Variants in KCNIP4 observed in about 807,000 individuals in gnomAD.
The protein encoded by KCNIP4 is potassium voltage-gated channel interacting protein 4.
Under a neutral mutation model 34.0 loss-of-function variants are expected in KCNIP4, and 12 were observed. The ratio of observed to expected loss-of-function variants is 0.35; its 90% CI spans 0.23 to 0.57. The LOEUF (loss-of-function observed/expected upper bound fraction) is 0.57, where lower values mean the gene tolerates loss of function less well. Ranked by LOEUF, KCNIP4 falls within the 20% of genes least tolerant of loss-of-function variation. The probability of loss-of-function intolerance (pLI) is 0.83; values close to 1 mark genes in which losing one functional copy is unlikely to be tolerated. For synonymous variants in KCNIP4, 124 were observed against 102.2 expected, an observed-to-expected ratio of 1.21 and a Z score of -1.29; for missense variants, 238 against 311.7, an observed-to-expected ratio of 0.76 and a Z score of 1.78.
At chr4:20,766,645 A>T (rs753528979) in intron 3 of KCNIP4, among the ~76,000 whole-genome samples, 1 of 152,212 alleles carries the variant, frequency 6.6e-6, no homozygotes, top group Non-Finnish European at 1.5e-5. Flanking sequence ...AGGTGAGGGG[A>T]TAGAGATTAA....
At chr4:21,880,856 C>CAA (rs1294089070) in intron 1 of KCNIP4, among the ~76,000 whole-genome samples, 3 of 152,180 alleles carry the variant, frequency 2.0e-5, no homozygotes, top group Non-Finnish European at 4.4e-5. Context: ...TGCAACTTAA[C>CAA]AATGACCCTA....
intron 1 of KCNIP4, among the ~76,000 whole-genome samples, chr4:21,448,492 C>G (rs1389132239): frequency 6.6e-6 from 1 of 152,058 alleles, no homozygotes; most frequent in Non-Finnish European, 1.5e-5. Context: ...GAGAATATTT[C>G]TAAGCAAATT....
intron 1 of KCNIP4, among the ~76,000 whole-genome samples, chr4:21,773,770 T>TG (rs1182214927): frequency 1.4e-5 from 2 of 143,854 alleles, no homozygotes; most frequent in African/African-American, 5.2e-5. Flanking sequence ...TTTGTTTGTT[T>TG]TTGTTTTGTT....
intron 1 of KCNIP4, among the ~76,000 whole-genome samples, chr4:20,968,031 T>G (rs1158672972): frequency 2.0e-5 from 3 of 152,024 alleles, no homozygotes; most frequent in African/African-American, 7.3e-5. Flanking sequence ...AATCTACCCA[T>G]CTGACAAAGG....
chr4:21,731,696 T>C (rs1715614534), intron 1 of KCNIP4, among the ~76,000 whole-genome samples: 1 of 152,192 alleles, frequency 6.6e-6, no homozygotes, highest in Admixed American at 6.6e-5. Context: ...GGAACAAGTC[T>C]GTAACTAGTG....
intron 3 of KCNIP4, among the ~76,000 whole-genome samples, chr4:20,843,138 C>T (rs566906684): frequency 6.6e-6 from 1 of 152,060 alleles, no homozygotes; most frequent in East Asian, 2.0e-4. Flanking sequence ...GAACTCCAGG[C>T]CTAAAGTGAT....
At chr4:21,418,801 C>T (rs558745007) in intron 1 of KCNIP4, among the ~76,000 whole-genome samples, 12 of 152,258 alleles carry the variant, frequency 7.9e-5, no homozygotes, top group East Asian at 1.9e-4. Flanking sequence ...AACCTGGGTG[C>T]TGATGTTCTT....
chr4:21,320,963 T>TGAAAAAAAAAAAA (rs1560287645), intron 1 of KCNIP4, among the ~76,000 whole-genome samples: 1 of 74,780 alleles, frequency 1.3e-5, no homozygotes, highest in African/African-American at 9.9e-5. Context: ...AGAATCTGTC[T>TGAAAAAAAAAAAA]TAAAAAAAAA....
At chr4:21,637,507 G>A (rs977320444) in intron 1 of KCNIP4, among the ~76,000 whole-genome samples, 5 of 151,984 alleles carry the variant, frequency 3.3e-5, no homozygotes, top group African/African-American at 4.8e-5. Context: ...GGCCAGGCGC[G>A]GTGGCTTATG....
intron 2 of KCNIP4, among the ~76,000 whole-genome samples, chr4:20,869,958 G>T (rs1223479948): frequency 3.3e-5 from 5 of 152,018 alleles, no homozygotes; most frequent in Non-Finnish European, 7.4e-5. Context: ...TTGTCAGGAG[G>T]TTGAAATAAA....
intron 1 of KCNIP4, among the ~76,000 whole-genome samples, chr4:21,518,739 G>A (rs145938498): frequency 2.3e-3 from 349 of 152,198 alleles, no homozygotes; most frequent in African/African-American, 8.2e-3. Flanking sequence ...TCTCTGAGCA[G>A]GCCAGTGATT....
intron 1 of KCNIP4, among the ~76,000 whole-genome samples, chr4:21,905,455 G>A (rs1381633811): frequency 6.6e-6 from 1 of 151,930 alleles, no homozygotes; most frequent in Admixed American, 6.6e-5. Context: ...TGCACAACAT[G>A]CAGGTTTGTT....
At chr4:21,373,908 T>C (rs1720725179) in intron 1 of KCNIP4, among the ~76,000 whole-genome samples, 1 of 146,554 alleles carries the variant, frequency 6.8e-6, no homozygotes, top group Non-Finnish European at 1.5e-5. Flanking sequence ...TTTCACCATA[T>C]TGGCCAGGCT....
chr4:21,545,043 T>C (rs1025266709), intron 1 of KCNIP4, among the ~76,000 whole-genome samples: 1 of 151,908 alleles, frequency 6.6e-6, no homozygotes, highest in Admixed American at 6.6e-5. Flanking sequence ...AAATAGGAGG[T>C]CAGCACAAGA....
chr4:21,069,533 GC>G (rs948374581), intron 1 of KCNIP4, among the ~76,000 whole-genome samples: 28 of 152,190 alleles, frequency 1.8e-4, no homozygotes, highest in African/African-American at 6.7e-4. Flanking sequence ...CCTTTCACTT[GC>G]CCGGAGAAGA....
chr4:21,858,815 T>C (rs1337275804), intron 1 of KCNIP4, among the ~76,000 whole-genome samples: 4 of 152,242 alleles, frequency 2.6e-5, no homozygotes, highest in Admixed American at 2.0e-4. Flanking sequence ...ATTACTGTTT[T>C]AAGACAACTT....
intron 3 of KCNIP4, among the ~76,000 whole-genome samples, chr4:20,821,132 A>C (rs1341022583): frequency 1.3e-5 from 2 of 152,168 alleles, no homozygotes; most frequent in Non-Finnish European, 2.9e-5. Flanking sequence ...TGCCCAACTA[A>C]GCCATGGACG....
chr4:20,730,696 A>C (rs183615275), intron 8 of KCNIP4, among the ~76,000 whole-genome samples: 2 of 152,296 alleles, frequency 1.3e-5, no homozygotes, highest in Admixed American at 6.5e-5. Context: ...ATGGTCTCTC[A>C]ATTACAGAGA....
In KCNIP4 at chr4:21,533,435, T is replaced by C. The variant is rs1736879770; in HGVS notation, c.61+415136A>G. 4.6e-5 allele frequency among the ~76,000 whole-genome samples: 7 copies of C among 152,104 alleles called. No individual in the cohort carries two copies. In the South Asian group the frequency reaches 1.5e-3, roughly 32 times the overall value. On this transcript the variant is annotated intron_variant, in intron 1 of 8. Transcript: ENST00000382152. Reference sequence around the variant, plus strand: ...GTCAAATATAGATGACACCAAAATGTGGTCCAGAACCAATAGCTTGTCTAG... The same window carrying C: ...GTCAAATATAGATGACACCAAAATGCGGTCCAGAACCAATAGCTTGTCTAG...
Sources: allele counts gnomAD v4.1 joint callset (sites outside exome capture counted in the v4.1 genomes callset), GRCh38; gene constraint gnomAD v4.1.1; transcripts MANE v1.5; gene names NCBI Gene and HGNC (gene_info 2026-07-23, HGNC 2026-07-21).